The following PIBF1 variants were observed in gnomAD, a reference collection of about 807,000 sequenced individuals.
PIBF1 encodes the protein progesterone-induced-blocking factor 1.
In PIBF1, 90 loss-of-function variants were observed where a neutral mutation model predicts 112.5. The observed-to-expected ratio is 0.80, with a 90% CI of 0.67 to 0.95. The LOEUF is 0.95. Ranked by LOEUF, PIBF1 falls within the 40% of genes least tolerant of loss-of-function variation. The probability of loss-of-function intolerance (pLI) is 0.00; values close to 1 mark genes in which losing one functional copy is unlikely to be tolerated. For missense variants in PIBF1, 915 were observed against 852.3 expected, an observed-to-expected ratio of 1.07 and a Z score of -0.92; for synonymous variants, 301 against 288.6, an observed-to-expected ratio of 1.04 and a Z score of -0.44.
intron 14 of PIBF1, among the ~76,000 whole-genome samples, chr13:72,961,644 A>G (rs1016483791): frequency 6.6e-6 from 1 of 152,180 alleles, no homozygotes; most frequent in Non-Finnish European, 1.5e-5. Context: ...TTTGTGTAAT[A>G]AATACCCCCT....
At chr13:72,984,753 TTTC>T (rs1261650642) in intron 16 of PIBF1, among the ~76,000 whole-genome samples, 1 of 152,180 alleles carries the variant, frequency 6.6e-6, no homozygotes, top group Non-Finnish European at 1.5e-5. Context: ...AGTATTTTGA[TTTC>T]TTCTTTAATC....
In PIBF1 at chr13:72,821,893, A is replaced by G; in HGVS notation, c.717A>G (p.Arg239=). Residue 239 remains arginine, a synonymous_variant, in exon 6 of 18, where the codon AGA becomes AGG. Transcript: ENST00000326291. ...DRKNYSEVQI[R]CQRLALELAD... is the part of the protein sequence containing the mutation. ...AAAACTACTCTGAAGTTCAAATTAG[A>G]TGTCAACGTTTGGCCTTAGAATTAG... 6.2e-7 allele frequency: 1 copy of G among 1,612,828 alleles called. No individual in the cohort carries two copies. Among genetic ancestry groups the G allele is most frequent in the Admixed American group, 1.7e-5 (1 of 59,928 alleles).
At chr13:72,926,604 C>T (rs1006529143) in intron 13 of PIBF1, among the ~76,000 whole-genome samples, 1 of 152,094 alleles carries the variant, frequency 6.6e-6, no homozygotes, top group Non-Finnish European at 1.5e-5. Flanking sequence ...GGATAAAATC[C>T]AAACATACAA....
chr13:72,953,410 A>T (rs2042356668), intron 14 of PIBF1, among the ~76,000 whole-genome samples: 1 of 151,624 alleles, frequency 6.6e-6, no homozygotes, highest in African/African-American at 2.4e-5. Context: ...GAATCCTGCT[A>T]CTCCTCTGGG....
intron 15 of PIBF1, among the ~76,000 whole-genome samples, chr13:72,968,746 G>A (rs2042815817): frequency 6.6e-6 from 1 of 151,922 alleles, no homozygotes; most frequent in African/African-American, 2.4e-5. Flanking sequence ...AATGGCTGTG[G>A]TATTGCACAG....
rs79778160 is a variant in PIBF1 at position 72,920,465 on chromosome 13, C to A, written c.1730+3299C>A. On this transcript the variant is annotated intron_variant, in intron 13 of 17. Transcript: ENST00000326291. ...AAATTGATCAATGGCACTAAAGATC[C>A]CAGGTTAGGGTCTGATACATTTCTG... Among the ~76,000 whole-genome samples, 1,072 of 152,272 alleles carry A rather than the reference C, an allele frequency of 7.0e-3. 15 individuals are homozygous for A. Among genetic ancestry groups the A allele is most frequent in the African/African-American group, 0.025 (1,034 of 41,556 alleles).
chr13:73,012,585 A>C (rs971776025), intron 17 of PIBF1, among the ~76,000 whole-genome samples: 5 of 146,428 alleles, frequency 3.4e-5, no homozygotes, highest in Admixed American at 2.1e-4. Flanking sequence ...CAAAAAAAAC[A>C]AAAAAAAACA....
chr13:72,797,797 G>A (rs1311148338), intron 4 of PIBF1, 110 bp from the exon 5 acceptor site: 1 of 772,606 alleles, frequency 1.3e-6, no homozygotes, highest in African/African-American at 1.8e-5. Flanking sequence ...CTGTCTTGTT[G>A]TAGTTTTGTA....
At chr13:72,852,546 G>A (rs191066799) in intron 9 of PIBF1, among the ~76,000 whole-genome samples, 39 of 152,258 alleles carry the variant, frequency 2.6e-4, no homozygotes, top group African/African-American at 8.9e-4. Context: ...CTGTGAGGCC[G>A]AGTGGGTGGA....
At chr13:72,940,124 T>C (rs914841463) in intron 14 of PIBF1, among the ~76,000 whole-genome samples, 5 of 152,168 alleles carry the variant, frequency 3.3e-5, no homozygotes, top group African/African-American at 4.8e-5. Flanking sequence ...CCTCTCACCT[T>C]CCTTTGAGGA....
chr13:72,941,529 C>T (rs1262904408), intron 14 of PIBF1, among the ~76,000 whole-genome samples: 1 of 152,104 alleles, frequency 6.6e-6, no homozygotes, highest in Non-Finnish European at 1.5e-5. Context: ...CTAACATAAC[C>T]AACCTTATTC....
At position 72,820,857 on chromosome 13, in the gene PIBF1, T is replaced by C. The variant is rs145024212; in HGVS notation, c.673-992T>C. Among the ~76,000 whole-genome samples, 1,044 of 152,334 alleles carry C rather than the reference T, an allele frequency of 6.9e-3. 12 individuals are homozygous for C. Among genetic ancestry groups the C allele is most frequent in the South Asian group, 0.02 (96 of 4,832 alleles). On this transcript the variant is annotated intron_variant, in intron 5 of 17. Coordinates refer to ENST00000326291, the MANE Select transcript of PIBF1 (RefSeq NM_006346.4). ...GAAAATAAGTAGGAATTTAGTCCCG[T>C]CTGCTTCCCCTCCCAGCTTCCCATA...
At position 72,956,090 on chromosome 13, in the gene PIBF1, T is replaced by C. The variant is rs143388352; in HGVS notation, c.1834-9184T>C. Among the ~76,000 whole-genome samples, 1,294 of 152,260 alleles carry C rather than the reference T, an allele frequency of 8.5e-3. 64 individuals are homozygous for C. Among genetic ancestry groups the C allele is most frequent in the East Asian group, 9.6e-3 (50 of 5,182 alleles). On this transcript the variant is annotated intron_variant, in intron 14 of 17. Coordinates refer to ENST00000326291, the MANE Select transcript of PIBF1 (RefSeq NM_006346.4). The stretch of plus-strand genomic sequence containing the variant: ...TTCTTAGGTTTTGCAGTAACAATAC[T>C]GAAAAATTCTTGTGGAAATCTGTGT...
chr13:72,854,008 T>C (rs1298996032), intron 9 of PIBF1, 49 bp from the exon 10 acceptor site: 2 of 1,306,428 alleles, frequency 1.5e-6, no homozygotes, highest in Non-Finnish European at 2.2e-6. Flanking sequence ...AGAAAGAACA[T>C]AGATAAATCA....
chr13:72,861,019 C>G (rs535935415), intron 10 of PIBF1, among the ~76,000 whole-genome samples: 1 of 152,268 alleles, frequency 6.6e-6, no homozygotes, highest in South Asian at 2.1e-4. Flanking sequence ...AAATTGAATA[C>G]ACTGTTACAT....
At chr13:72,843,657 C>A (rs1594032124) in intron 9 of PIBF1, among the ~76,000 whole-genome samples, 1 of 152,274 alleles carries the variant, frequency 6.6e-6, no homozygotes, top group Non-Finnish European at 1.5e-5. Context: ...GGTGATCTAC[C>A]CACCTCGGCC....
At chr13:72,901,954 A>G (rs1283346232) in intron 11 of PIBF1, among the ~76,000 whole-genome samples, 1 of 151,724 alleles carries the variant, frequency 6.6e-6, no homozygotes, top group Non-Finnish European at 1.5e-5. Context: ...TCGTGGAACC[A>G]ACCCAAATGC....
In PIBF1 at chr13:73,004,505, G is replaced by GAAAGAAAAGA. The variant is rs1555332458; in HGVS notation, c.2223+5514_2223+5523dup. 1.7e-3 allele frequency among the ~76,000 whole-genome samples: 237 copies of GAAAGAAAAGA among 141,580 alleles called. 12 individuals are homozygous for GAAAGAAAAGA. Among genetic ancestry groups the GAAAGAAAAGA allele is most frequent in the African/African-American group, 1.6e-3 (62 of 38,334 alleles). The allele number at this position is 141,580 out of a possible 152,430, so 92.9% of individuals were successfully genotyped here. On this transcript the variant is annotated intron_variant, in intron 17 of 17. Transcript: ENST00000326291. ...ATTCTGTCTCAAAAAAAAAAAAAAAGAAAGAAAAGAAAATGTGATATTCAC... is the reference window on the plus strand; with the variant it reads ...ATTCTGTCTCAAAAAAAAAAAAAAAGAAAGAAAAGAAAAGAAAAGAAAATGTGATATTCAC...
intron 17 of PIBF1, among the ~76,000 whole-genome samples, chr13:73,003,005 A>AAAAAAAAC (rs1429149883): frequency 6.6e-6 from 1 of 150,530 alleles, no homozygotes; most frequent in Non-Finnish European, 1.5e-5. Context: ...AAAAAAAAAA[A>AAAAAAAAC]AAGCCTTAGG....
Sources: gnomAD v4.1 joint callset for allele counts (sites outside exome capture counted in the v4.1 genomes callset) on GRCh38, gnomAD v4.1.1 for gene constraint, MANE v1.5 for transcripts, NCBI Gene and HGNC (gene_info 2026-07-23, HGNC 2026-07-21) for gene names.